The following SEC16A variants were observed in gnomAD, a reference collection of about 807,000 sequenced individuals.
SEC16A encodes SEC16 homolog A, endoplasmic reticulum export factor, also known as protein transport protein Sec16A.
In SEC16A, 110 loss-of-function variants were observed where a neutral mutation model predicts 221.9. The observed-to-expected ratio is 0.50, with a 90% CI of 0.42 to 0.58. The LOEUF is 0.58. SEC16A is among the 20% of genes least tolerant of loss of function. The pLI is 0.00. For synonymous variants in SEC16A, 1,393 were observed against 1,257.7 expected, an observed-to-expected ratio of 1.11 and a Z score of -2.28; for missense variants, 3,165 against 3,097.8, an observed-to-expected ratio of 1.02 and a Z score of -0.52.
Position 136,459,888 on chromosome 9 carries a change from A to G in SEC16A, c.5074-14T>C. 6.2e-7 allele frequency: 1 copy of G among 1,606,430 alleles called. No individual in the cohort carries two copies. The highest frequency in any genetic ancestry group is 1.1e-5 in the South Asian group (1 of 90,138). The stretch of plus-strand genomic sequence containing the variant: ...GTCTCCACAGCACTAACATGAGGAA[A>G]AACAAAACGAAGCCTCATCCCCGGA... On this transcript the variant is annotated splice_polypyrimidine_tract_variant and intron_variant, in intron 14 of 31. Coordinates refer to ENST00000684901, the MANE Select transcript of SEC16A (RefSeq NM_014866.2). This position sits in a 1 kb window ranked among gnomAD's most constrained non-coding sequence, Gnocchi z 6.1.
At chr9:136,465,856 G>C in intron 8 of SEC16A, 106 bp downstream of exon 8, 1 of 1,179,396 alleles carries the variant, frequency 8.5e-7, no homozygotes, top group Non-Finnish European at 1.2e-6. Context: ...GCCAGGCCAG[G>C]ACATCACAAT....
rs1443931072 is a variant in SEC16A, at chr9:136,468,465, C to A, written c.3752G>T (p.Ser1251Ile). The A allele has an allele frequency of 4.3e-6, 7 of 1,613,662 alleles. No individual in the cohort carries two copies. Among genetic ancestry groups the A allele is most frequent in the Non-Finnish European group, 5.9e-6 (7 of 1,179,578 alleles). Residue 1251 changes from serine to isoleucine, a missense_variant, in exon 5 of 32, where the codon AGT (serine) becomes ATT (isoleucine). Transcript: ENST00000684901. The part of the protein sequence containing the change: ...GYYSSKSGWS[S>I]QSDYYASYYS... ...ATAGCTTGCATAGTAATCGCTCTGA[C>A]TGCTCCATCCACTTTTGGAACTATA...
upstream of SEC16A, among the ~76,000 whole-genome samples, chr9:136,483,219 T>G (rs1842644863): frequency 1.3e-5 from 1 of 74,114 alleles, no homozygotes. Flanking sequence ...CTCATCCCTC[T>G]GTCCCGCCCC....
intron 5 of SEC16A, 40 bp downstream of exon 5, chr9:136,468,375 G>A (rs1224685914): frequency 7.5e-7 from 1 of 1,334,010 alleles, no homozygotes; most frequent in Non-Finnish European, 1.1e-6. Flanking sequence ...TTTGCACAAG[G>A]CACCTGCTAA....
rs763632619 is a variant in SEC16A at position 136,477,629 on chromosome 9, C to T, written c.-14G>A. 1.3e-6 allele frequency: 2 copies of T among 1,590,028 alleles called. No individual in the cohort carries two copies. The highest frequency in any genetic ancestry group is 4.5e-5 in the East Asian group (2 of 44,424). On this transcript the variant is annotated 5_prime_UTR_variant, in exon 3 of 32. Transcript: ENST00000684901. ...CGGTGGCTGCATGACTGAACCCTTG[C>T]ACAAGTCGATGCTGCTTACAGAAGG...
chr9:136,451,487 A>G, intron 22 of SEC16A, 79 bp from the exon 23 acceptor site: 1 of 1,445,306 alleles, frequency 6.9e-7, no homozygotes, highest in South Asian at 1.4e-5. Flanking sequence ...GCAATTCCCC[A>G]GGCGTGTTTC....
At position 136,445,083 on chromosome 9, in the gene SEC16A, A is replaced by G. The variant is rs758608679; in HGVS notation, c.6896T>C (p.Leu2299Ser). The G allele has an allele frequency of 6.2e-7, 1 of 1,607,788 alleles. No homozygotes were observed. The highest frequency in any genetic ancestry group is 2.2e-5 in the East Asian group (1 of 44,744). Residue 2299 changes from leucine to serine, a missense_variant, in exon 30 of 32, where the codon TTA becomes TCA. Around this residue, in one of 3 missense-constraint regions of SEC16A, gnomAD observed 1,088 missense variants for 1,089.6 expected, o/e 1.00. Transcript: ENST00000684901. ...ELSRCSSMSS[L>S]SREVSQHFNQ... Reference sequence around the variant, plus strand: ...AAAATGCTGGCTCACTTCACGTGATAATGAACTCATTGAACTACAGCGCGA... The same window carrying G: ...AAAATGCTGGCTCACTTCACGTGATGATGAACTCATTGAACTACAGCGCGA...
rs753951155 is a variant in SEC16A, at chr9:136,477,257, T to C, written c.359A>G (p.His120Arg). The C allele has an allele frequency of 9.3e-6, 15 of 1,613,904 alleles. No homozygotes were observed. The highest frequency in any genetic ancestry group is 1.1e-5 in the South Asian group (1 of 91,078). ...LPGPLTQPRA[H>R]ASPFSGALTP... is the part of the protein sequence containing the mutation. ...CAATGCACCAGAAAACGGACTGGCA[T>C]GTGCTCTGGGCTGTGTCAGAGGTCC... Residue 120 changes from histidine to arginine, a missense_variant, in exon 3 of 32, where the codon CAT becomes CGT. Physicochemically the swap from His to Arg is conservative, Grantham distance 29 (BLOSUM62 0). Coordinates refer to ENST00000684901, the MANE Select transcript of SEC16A (RefSeq NM_014866.2).
chr9:136,482,852 C>A (rs1842583482), intron 1 of SEC16A, 86 bp downstream of exon 1: 2 of 467,600 alleles, frequency 4.3e-6, no homozygotes, highest in African/African-American at 2.1e-5. Flanking sequence ...CTCCTCCGCG[C>A]CCCGACCTCC....
Position 136,474,642 on chromosome 9 carries a change from C to A in SEC16A, c.2974G>T (p.Gly992Ter). The change falls in exon 3 of 32, where the codon GGA becomes TGA. Residue 992 changes from glycine to a stop codon, truncating the protein, a stop_gained. Coordinates refer to ENST00000684901, the MANE Select transcript of SEC16A (RefSeq NM_014866.2). LOFTEE classifies it high-confidence loss of function. ...CTGCTTAAGGTAAAGTCTAGGGCTCCGTAAGTGTCTTCCTGATGACTGGAA... is the reference window on the plus strand; with the variant it reads ...CTGCTTAAGGTAAAGTCTAGGGCTCAGTAAGTGTCTTCCTGATGACTGGAA... ...NHSSHQEDTY[G>*]ALDFTLSRTL... 1 of 1,613,414 alleles carries A rather than the reference C, an allele frequency of 6.2e-7. No individual in the cohort carries two copies. Among genetic ancestry groups the A allele is most frequent in the African/African-American group, 1.3e-5 (1 of 75,054 alleles).
intron 17 of SEC16A, among the ~76,000 whole-genome samples, chr9:136,458,144 T>C (rs1277462149): frequency 6.6e-6 from 1 of 150,594 alleles, no homozygotes; most frequent in Non-Finnish European, 1.5e-5. Context: ...TTTTTTTTTT[T>C]TTTTTGTAGA....
intron 28 of SEC16A, 138 bp downstream of exon 28, chr9:136,446,717 A>G (rs1029400097): frequency 1.6e-5 from 13 of 824,026 alleles, no homozygotes; most frequent in Non-Finnish European, 2.4e-5. Context: ...TCTACCATAC[A>G]TAAGTGTGAG....
At position 136,443,908 on chromosome 9, in the gene SEC16A, GCA is replaced by G. The variant is rs1301714003; in HGVS notation, c.6928-10_6928-9del. ...AGGGAGGTCGCCAGGAGCCTGAGAA[GCA>G]CAGAGAAGTCACCTCAGCAGGGCTG... On this transcript the variant is annotated splice_polypyrimidine_tract_variant and intron_variant, in intron 30 of 31. Transcript: ENST00000684901. 6.2e-7 allele frequency: 1 copy of G among 1,605,462 alleles called. No homozygotes were observed. Among genetic ancestry groups the G allele is most frequent in the Middle Eastern group, 1.7e-4 (1 of 5,872 alleles).
rs575412275 is a variant in SEC16A at position 136,475,488 on chromosome 9, C to A, written c.2128G>T (p.Ala710Ser). ...CACTTCACGGGCCCCTGGGTCCTGG[C>A]TGAAGGCCTCTTCTCGGGTGCTGGA... ...VYPAPEKRPS[A>S]RTQGPVKCES... is the part of the protein sequence containing the mutation. Residue 710 changes from alanine to serine, a missense_variant, in exon 3 of 32, where the codon GCC (alanine) becomes TCC (serine). Coordinates refer to ENST00000684901, the MANE Select transcript of SEC16A (RefSeq NM_014866.2). The surrounding 1 kb of genome is among the most constrained non-coding windows in gnomAD (Gnocchi z 5.0). 6.2e-7 allele frequency: 1 copy of A among 1,607,730 alleles called. No homozygotes were observed. Among genetic ancestry groups the A allele is most frequent in the African/African-American group, 1.3e-5 (1 of 74,758 alleles).
rs748078581 is a variant in SEC16A at position 136,462,908 on chromosome 9, C to T, written c.4872G>A (p.Leu1624=). The part of the protein sequence containing the change: ...LERETERFRE[L]LLYGRKKDAL... ...GCACCTTCTTACGGCCATACAGCAA[C>T]AGCTCCCTGAACCTCTCGGTCTCTC... Residue 1624 remains leucine (L), a synonymous_variant, in exon 12 of 32, where the codon CTG becomes CTA. Coordinates refer to ENST00000684901, the MANE Select transcript of SEC16A (RefSeq NM_014866.2). 5 of 1,601,822 alleles carry T rather than the reference C, an allele frequency of 3.1e-6. No individual in the cohort carries two copies. Among genetic ancestry groups the T allele is most frequent in the Non-Finnish European group, 3.4e-6 (4 of 1,179,816 alleles).
chr9:136,474,502 G>A lies in SEC16A; in HGVS notation c.3114C>T (p.Asp1038=). 1.2e-6 allele frequency: 2 copies of A among 1,613,022 alleles called. No homozygotes were observed. The highest frequency in any genetic ancestry group is 1.7e-6 in the Non-Finnish European group (2 of 1,179,854). Residue 1038 remains aspartate (D), a synonymous_variant, in exon 3 of 32, where the codon GAC becomes GAT. Transcript: ENST00000684901. ...RQSGPGAPNL[D]RFYQQVTKDA... ...CTTTCGTGACCTGCTGATAAAAACG[G>A]TCAAGGTTAGGCGCCCCAGGCCCAG...
intron 29 of SEC16A, 51 bp from the exon 30 acceptor site, chr9:136,445,162 C>A (rs1026096582): frequency 1.4e-6 from 2 of 1,463,018 alleles, no homozygotes; most frequent in Non-Finnish European, 1.9e-6. Context: ...TCAACATGCA[C>A]GTCACTGTCC....
intron 29 of SEC16A, among the ~76,000 whole-genome samples, 195 bp from the exon 30 acceptor site, chr9:136,445,306 T>C (rs1273929453): frequency 1.3e-5 from 2 of 152,148 alleles, no homozygotes; most frequent in African/African-American, 2.4e-5. Context: ...AAACAACCAT[T>C]AGCTTAGGGG....
In SEC16A at chr9:136,475,452, C is replaced by A; in HGVS notation, c.2164G>T (p.Ala722Ser). The change falls in exon 3 of 32, where the codon GCA becomes TCA. Residue 722 changes from alanine to serine, a missense_variant. Ala to Ser is a moderately conservative substitution (Grantham distance 99). Transcript: ENST00000684901. The surrounding 1 kb of genome is among the most constrained non-coding windows in gnomAD (Gnocchi z 5.0). ...TQGPVKCESP[A>S]TTLWAQSELP... ...TCACTTTGCGCCCACAGAGTCGTTG[C>A]TGGGCTCTCACACTTCACGGGCCCC... 1 of 1,609,654 alleles carries A rather than the reference C, an allele frequency of 6.2e-7. No individual in the cohort carries two copies. The highest frequency in any genetic ancestry group is 8.5e-7 in the Non-Finnish European group (1 of 1,177,304).
Sources: allele counts gnomAD v4.1 joint callset (sites outside exome capture counted in the v4.1 genomes callset), GRCh38; gene constraint gnomAD v4.1.1; regional missense constraint gnomAD v4.1.1; non-coding constraint Gnocchi (gnomAD v3.1); transcripts MANE v1.5; gene names NCBI Gene and HGNC (gene_info 2026-07-23, HGNC 2026-07-21).